METTL25: variants seen among roughly 807,000 people sequenced by gnomAD.
The protein encoded by METTL25 is probable methyltransferase-like protein 25.
A neutral mutation model predicts 71.6 loss-of-function variants in METTL25; 64 were observed. The ratio of observed to expected loss-of-function variants is 0.89; its 90% confidence interval spans 0.73 to 1.10. The LOEUF (loss-of-function observed/expected upper bound fraction) is 1.10. Ranked by LOEUF, METTL25 falls within the 50% of genes least tolerant of loss-of-function variation. The pLI, the probability that METTL25 is intolerant of heterozygous loss-of-function variation, is 0.00. For missense variants in METTL25, 807 were observed against 707.0 expected, an observed-to-expected ratio of 1.14 and a Z score of -1.60; for synonymous variants, 287 against 250.3, an observed-to-expected ratio of 1.15 and a Z score of -1.38.
At chr12:82,436,443 T>C (rs1049461560) in intron 7 of METTL25, among the ~76,000 whole-genome samples, 1 of 151,566 alleles carries the variant, frequency 6.6e-6, no homozygotes, top group African/African-American at 2.4e-5. Context: ...CACAGACTGT[T>C]CAGGAGATAC....
chr12:82,452,833 A>G (rs1397106210), intron 8 of METTL25, among the ~76,000 whole-genome samples: 2 of 152,092 alleles, frequency 1.3e-5, no homozygotes, highest in East Asian at 3.8e-4. Flanking sequence ...CATGCACCGT[A>G]TATTGAATAT....
chr12:82,450,386 C>T (rs564856527), intron 8 of METTL25, among the ~76,000 whole-genome samples: 92 of 152,228 alleles, frequency 6.0e-4, no homozygotes, highest in African/African-American at 1.9e-3. Flanking sequence ...TAACCTCTCC[C>T]TTCAGAATAT....
intron 9 of METTL25, among the ~76,000 whole-genome samples, chr12:82,457,664 A>G (rs1891585078): frequency 6.6e-6 from 1 of 152,054 alleles, no homozygotes; most frequent in Non-Finnish European, 1.5e-5. Flanking sequence ...GGTAATATAC[A>G]TAAAGCTCTT....
chr12:82,478,950 GCT>G lies in METTL25; in HGVS notation c.1741_1742del (p.Leu581CysfsTer5). 1 of 1,612,104 alleles carries G rather than the reference GCT, an allele frequency of 6.2e-7. No individual in the cohort carries two copies. Among genetic ancestry groups the G allele is most frequent in the Non-Finnish European group, 8.5e-7 (1 of 1,178,626 alleles). On this transcript the variant is annotated frameshift_variant, in exon 12 of 12. Transcript: ENST00000248306. LOFTEE classifies it high-confidence loss of function. ...TTTACAGGAAGATATTGCATGGTCT[GCT>G]CTTGTGAAGTTGTTTGATCCCGTGA... Reference protein sequence around the residue: ...LKEQEDIAWSALVKLFDPVKS... With the variant: ...LKEQEDIAWSXLVKLFDPVKS...
At chr12:82,436,782 GAGAA>G (rs1455857414) in intron 7 of METTL25, among the ~76,000 whole-genome samples, 3 of 151,492 alleles carry the variant, frequency 2.0e-5, no homozygotes, top group African/African-American at 7.3e-5. Flanking sequence ...TCAAAGGCAT[GAGAA>G]AGAAGAGATT....
chr12:82,404,466 CA>C (rs1886912552), intron 5 of METTL25, among the ~76,000 whole-genome samples: 1 of 151,978 alleles, frequency 6.6e-6, no homozygotes, highest in African/African-American at 2.4e-5. Flanking sequence ...TACTTTAATG[CA>C]ATCACAGTTC....
intron 4 of METTL25, among the ~76,000 whole-genome samples, chr12:82,399,921 G>C (rs1886431830): frequency 6.8e-6 from 1 of 146,440 alleles, no homozygotes; most frequent in Non-Finnish European, 1.5e-5. Context: ...GGAGATTCTA[G>C]AGATCGTTTG....
intron 1 of METTL25, among the ~76,000 whole-genome samples, chr12:82,370,856 A>T (rs1347232506): frequency 6.6e-6 from 1 of 151,096 alleles, no homozygotes; most frequent in Non-Finnish European, 1.5e-5. Flanking sequence ...CCAGCCGCTT[A>T]TGCTGCTGTT....
intron 6 of METTL25, 38 bp downstream of exon 6, chr12:82,431,025 C>A (rs775772818): frequency 6.6e-6 from 9 of 1,353,918 alleles, no homozygotes; most frequent in Non-Finnish European, 9.3e-6. Flanking sequence ...CAGCTTTATC[C>A]AGATGTTGTA....
At chr12:82,368,658 T>C (rs891462944) in intron 1 of METTL25, among the ~76,000 whole-genome samples, 2 of 152,202 alleles carry the variant, frequency 1.3e-5, no homozygotes, top group African/African-American at 4.8e-5. Flanking sequence ...ATAAGTCAAT[T>C]GAATAAAAGA....
chr12:82,470,333 C>T (rs1306589128), intron 9 of METTL25, among the ~76,000 whole-genome samples: 2 of 152,264 alleles, frequency 1.3e-5, no homozygotes, highest in South Asian at 2.1e-4. Flanking sequence ...TTTGTTTTCT[C>T]ATGGCTCTGG....
intron 6 of METTL25, among the ~76,000 whole-genome samples, chr12:82,432,580 T>G (rs1299277512): frequency 6.6e-6 from 1 of 151,644 alleles, no homozygotes; most frequent in Non-Finnish European, 1.5e-5. Flanking sequence ...TCTATTAAAA[T>G]AAACATTCAG....
chr12:82,358,848 G>A, intron 1 of METTL25, 24 bp downstream of exon 1: 3 of 1,579,388 alleles, frequency 1.9e-6, no homozygotes, highest in Non-Finnish European at 2.6e-6. Flanking sequence ...TAGGCGGGGC[G>A]GGAAGGGAGG....
intron 5 of METTL25, among the ~76,000 whole-genome samples, chr12:82,427,971 T>G (rs1889173979): frequency 6.6e-6 from 1 of 151,996 alleles, no homozygotes; most frequent in South Asian, 2.1e-4. Context: ...CTCTAGAAGC[T>G]TTGTACCAAA....
At chr12:82,425,138 A>G (rs1368092578) in intron 5 of METTL25, among the ~76,000 whole-genome samples, 1 of 152,052 alleles carries the variant, frequency 6.6e-6, no homozygotes, top group Non-Finnish European at 1.5e-5. Context: ...AAAGGTTACA[A>G]ATTGGCTATC....
intron 1 of METTL25, among the ~76,000 whole-genome samples, chr12:82,369,252 G>A (rs534303570): frequency 6.6e-6 from 1 of 152,328 alleles, no homozygotes; most frequent in African/African-American, 2.4e-5. Flanking sequence ...AGTCCACTGT[G>A]TTATGATGAT....
chr12:82,373,243 A>G (rs111710276), intron 1 of METTL25, among the ~76,000 whole-genome samples: 9,427 of 152,214 alleles, frequency 0.062, 339 homozygotes, highest in Middle Eastern at 0.12. Context: ...GAGGGTTGGA[A>G]GAGTGACACC....
At chr12:82,446,134 A>G (rs1374867105) in intron 8 of METTL25, among the ~76,000 whole-genome samples, 2 of 152,184 alleles carry the variant, frequency 1.3e-5, no homozygotes, top group Non-Finnish European at 2.9e-5. Flanking sequence ...AACAATTGTA[A>G]ATGTATGTGC....
chr12:82,470,611 AAG>A (rs1242243289), intron 9 of METTL25, among the ~76,000 whole-genome samples: 1 of 152,190 alleles, frequency 6.6e-6, no homozygotes, highest in Non-Finnish European at 1.5e-5. Context: ...AGGAAAAAAA[AAG>A]CCTTTCTGCC....
Sources: allele counts gnomAD v4.1 joint callset (sites outside exome capture counted in the v4.1 genomes callset), GRCh38; gene constraint gnomAD v4.1.1; transcripts MANE v1.5; gene names NCBI Gene and HGNC (gene_info 2026-07-23, HGNC 2026-07-21).